HTR4: variants seen among roughly 807,000 people sequenced by gnomAD.
HTR4 encodes the protein 5-hydroxytryptamine receptor 4.
HTR4 carries 16 observed loss-of-function variants against 36.8 expected under a neutral mutation model. The ratio of observed to expected loss-of-function variants is 0.43; its 90% CI spans 0.29 to 0.66. The LOEUF (loss-of-function observed/expected upper bound fraction) is 0.66, where lower values mean the gene tolerates loss of function less well. Ranked by LOEUF, HTR4 falls within the 30% of genes least tolerant of loss-of-function variation. The probability of loss-of-function intolerance (pLI) is 0.13; values close to 1 mark genes in which losing one functional copy is unlikely to be tolerated. For missense variants in HTR4, 438 were observed against 490.9 expected, an observed-to-expected ratio of 0.89 and a Z score of 1.02; for synonymous variants, 189 against 185.1, an observed-to-expected ratio of 1.02 and a Z score of -0.17.
chr5:148,578,654 G>A (rs535861010), intron 2 of HTR4, among the ~76,000 whole-genome samples: 32 of 152,048 alleles, frequency 2.1e-4, no homozygotes, highest in African/African-American at 7.5e-4. Flanking sequence ...TTCAAATCCT[G>A]GAGTCAATAC....
At chr5:148,633,760 A>G (rs1187713672) in intron 2 of HTR4, among the ~76,000 whole-genome samples, 2 of 152,074 alleles carry the variant, frequency 1.3e-5, no homozygotes, top group African/African-American at 4.8e-5. Context: ...TAATTATTTT[A>G]TAGTAAAGAA....
rs1757386948 is a variant in HTR4 at position 148,509,500 on chromosome 5, G to T, written c.1032C>A (p.Val344=). The change falls in exon 6 of 7, where the codon GTC becomes GTA. Residue 344 remains valine (V), a synonymous_variant. Transcript: ENST00000377888. The part of the protein sequence containing the change: ...YRRPSILGQT[V]PCSTTTINGS... ...CATTAATGGTTGTGGTTGAACAAGG[G>T]ACAGTCTGGCCCAGAATGGAAGGTC... is the stretch of plus-strand genomic sequence containing the variant. The T allele has an allele frequency of 6.2e-7, 1 of 1,613,212 alleles. No homozygotes were observed. Among genetic ancestry groups the T allele is most frequent in the African/African-American group, 1.3e-5 (1 of 74,766 alleles).
intron 5 of HTR4, among the ~76,000 whole-genome samples, chr5:148,457,101 G>T (rs1470477435): frequency 6.6e-6 from 1 of 152,004 alleles, no homozygotes; most frequent in African/African-American, 2.4e-5. Context: ...GCCTAGCCTG[G>T]CATTATCTGT....
chr5:148,528,762 C>A (rs1225954846), intron 4 of HTR4, among the ~76,000 whole-genome samples: 1 of 151,992 alleles, frequency 6.6e-6, no homozygotes, highest in East Asian at 1.9e-4. Flanking sequence ...ACTATTCCTG[C>A]AACACATAAA....
intron 5 of HTR4, among the ~76,000 whole-genome samples, chr5:148,462,293 A>G (rs929026559): frequency 6.6e-6 from 1 of 152,002 alleles, no homozygotes; most frequent in Non-Finnish European, 1.5e-5. Context: ...GAAGAGAGAG[A>G]GAAAGAACAA....
At chr5:148,503,125 T>A (rs1298844270) in intron 6 of HTR4, among the ~76,000 whole-genome samples, 1 of 152,102 alleles carries the variant, frequency 6.6e-6, no homozygotes, top group Non-Finnish European at 1.5e-5. Context: ...ACATTTGAAT[T>A]CAGGAAATAC....
rs904593318 is a variant in HTR4 at position 148,481,593 on chromosome 5, A to C, written c.*1610T>G. ...TGGTTTGGTCAATCTTCTCTTCCTT[A>C]TTCCAAAGTTTCTTCCTGTCGGTTT... is the stretch of plus-strand genomic sequence containing the variant. On this transcript the variant is annotated 3_prime_UTR_variant, in exon 7 of 7. Coordinates refer to ENST00000377888, the MANE Select transcript of HTR4 (RefSeq NM_000870.7). The C allele has an allele frequency of 6.6e-7, 1 of 1,511,242 alleles. No individual in the cohort carries two copies. Among genetic ancestry groups the C allele is most frequent in the African/African-American group, 1.4e-5 (1 of 70,376 alleles). 93.6% of individuals were successfully genotyped at this position (1,511,242 alleles called of 1,614,324 possible).
intron 1 of HTR4, among the ~76,000 whole-genome samples, chr5:148,640,711 C>A (rs192603363): frequency 6.6e-6 from 1 of 152,198 alleles, no homozygotes; most frequent in Admixed American, 6.5e-5. Flanking sequence ...AGTCAGCAAG[C>A]AAATGAATGC....
chr5:148,609,379 C>A (rs1762751755), intron 2 of HTR4, among the ~76,000 whole-genome samples: 1 of 152,186 alleles, frequency 6.6e-6, no homozygotes, highest in African/African-American at 2.4e-5. Context: ...CTCTGGCATT[C>A]TTCTTCTAAT....
chr5:148,482,378 TC>T lies in HTR4; in HGVS notation c.*824del. On this transcript the variant is annotated 3_prime_UTR_variant, in exon 7 of 7. Transcript: ENST00000377888. ...CAAGGCTTTTTAGAAGACGTCCCGT[TC>T]TAGCCCAGCAGGAGAGCGAGCATCT... The T allele has an allele frequency of 1.0e-6, 1 of 985,546 alleles. No individual in the cohort carries two copies. The highest frequency in any genetic ancestry group is 1.2e-6 in the Non-Finnish European group (1 of 830,042). The allele number at this position is 985,546 out of a possible 1,614,324, so 61.1% of individuals were successfully genotyped here. A position where few individuals can be genotyped will look rare whatever the true frequency, so the allele number is the denominator to read the frequency against.
chr5:148,622,497 T>C (rs1409728445), intron 2 of HTR4, among the ~76,000 whole-genome samples: 1 of 152,224 alleles, frequency 6.6e-6, no homozygotes, highest in Non-Finnish European at 1.5e-5. Flanking sequence ...TATTGTGATG[T>C]CATTCTTGTC....
At chr5:148,524,346 T>C (rs1758162495) in intron 4 of HTR4, among the ~76,000 whole-genome samples, 1 of 152,198 alleles carries the variant, frequency 6.6e-6, no homozygotes, top group African/African-American at 2.4e-5. Flanking sequence ...ACTAAGAATG[T>C]AAAATTTTGA....
At chr5:148,564,969 G>T (rs183675117) in intron 2 of HTR4, among the ~76,000 whole-genome samples, 1 of 151,886 alleles carries the variant, frequency 6.6e-6, no homozygotes. Context: ...AATTAGCCAG[G>T]CATGGTGGCA....
At chr5:148,504,034 C>T (rs1352640918) in intron 6 of HTR4, among the ~76,000 whole-genome samples, 2 of 152,124 alleles carry the variant, frequency 1.3e-5, no homozygotes, top group African/African-American at 4.8e-5. Context: ...GATTCCCACA[C>T]AATAATAATG....
At chr5:148,512,987 T>C (rs1416159916) in intron 5 of HTR4, among the ~76,000 whole-genome samples, 2 of 151,736 alleles carry the variant, frequency 1.3e-5, no homozygotes, top group Non-Finnish European at 2.9e-5. Context: ...TAGCATATCT[T>C]TATTGTGTTA....
chr5:148,574,920 T>C (rs1760834149), intron 2 of HTR4, among the ~76,000 whole-genome samples: 1 of 152,114 alleles, frequency 6.6e-6, no homozygotes, highest in South Asian at 2.1e-4. Context: ...GAGCTTATAA[T>C]AACCCAAGAG....
chr5:148,511,619 TTGTGTGTGTG>T (rs529668445), intron 5 of HTR4, among the ~76,000 whole-genome samples: 27 of 139,348 alleles, frequency 1.9e-4, no homozygotes, highest in African/African-American at 5.5e-4. Flanking sequence ...TTGTGGAAGT[TTGTGTGTGTG>T]TGTGTGTGTG....
intron 5 of HTR4, among the ~76,000 whole-genome samples, chr5:148,517,024 T>C (rs1476545572): frequency 1.1e-4 from 16 of 152,214 alleles, no homozygotes; most frequent in Non-Finnish European, 2.9e-5. Flanking sequence ...CTAAGTCTTA[T>C]TTGTCTTGGT....
At chr5:148,457,830 T>TC (rs1554084738) in intron 5 of HTR4, among the ~76,000 whole-genome samples, 13 of 137,368 alleles carry the variant, frequency 9.5e-5, no homozygotes, top group Middle Eastern at 4.0e-3. Flanking sequence ...CATTAAAATA[T>TC]ATATTTTGTT....
Sources: allele counts gnomAD v4.1 joint callset (sites outside exome capture counted in the v4.1 genomes callset), GRCh38; gene constraint gnomAD v4.1.1; transcripts MANE v1.5; gene names NCBI Gene and HGNC (gene_info 2026-07-23, HGNC 2026-07-21).